The following TENM2 variants were observed in gnomAD, a reference collection of about 807,000 sequenced individuals.
The protein encoded by TENM2 is teneurin transmembrane protein 2.
TENM2 carries 52 observed loss-of-function variants against 245.2 expected under a neutral mutation model. That is an observed-to-expected ratio of 0.21 (90% CI 0.17 to 0.27). The LOEUF (loss-of-function observed/expected upper bound fraction) is 0.27. Among genes scored for constraint, TENM2 ranks in the 10% least tolerant of loss-of-function variants. The pLI, the probability that TENM2 is intolerant of heterozygous loss-of-function variation, is 1.00. For synonymous variants in TENM2, 1,363 were observed against 1,438.9 expected (o/e 0.95, Z 1.19); for missense variants, 3,046 against 3,666.8 (o/e 0.83, Z 4.37).
chr5:168,175,885 T>G (rs1021769308), intron 13 of TENM2, among the ~76,000 whole-genome samples: 1 of 152,150 alleles, frequency 6.6e-6, no homozygotes, highest in African/African-American at 2.4e-5. Flanking sequence ...CCAGCCTACC[T>G]GGGGTCCATC....
chr5:167,416,072 C>T (rs1252214147), intron 2 of TENM2, among the ~76,000 whole-genome samples: 2 of 152,084 alleles, frequency 1.3e-5, no homozygotes, highest in Admixed American at 6.6e-5. Flanking sequence ...GAAATTTGCT[C>T]CTGCTTTTGA....
intron 12 of TENM2, among the ~76,000 whole-genome samples, chr5:168,128,418 C>T (rs1219013082): frequency 6.6e-6 from 1 of 152,200 alleles, no homozygotes; most frequent in Non-Finnish European, 1.5e-5. Flanking sequence ...TTCCCCTCCC[C>T]ATATCTCCAT....
chr5:167,570,659 G>A (rs746596361), intron 2 of TENM2, among the ~76,000 whole-genome samples: 1 of 152,070 alleles, frequency 6.6e-6, no homozygotes, highest in Admixed American at 6.6e-5. Flanking sequence ...CCCTGGAATG[G>A]GTGTTGCATT....
the TENM2 span, among the ~76,000 whole-genome samples, chr5:167,092,873 T>C: frequency 1.3e-5 from 2 of 152,180 alleles, no homozygotes; most frequent in African/African-American, 2.4e-5. Flanking sequence ...ATATCTTCTT[T>C]CCCACAGAGC....
Position 168,090,563 on chromosome 5 carries a change from C to G in TENM2, c.1516-11C>G, listed in dbSNP as rs1464445081. 3 of 1,610,460 alleles carry G rather than the reference C, an allele frequency of 1.9e-6. No homozygotes were observed. The highest frequency in any genetic ancestry group is 1.3e-5 in the African/African-American group (1 of 74,798). ...TTGTCTCATGCATGGTACTCTCTCT[C>G]CTTTTCCCAGTATGACTTCATGGAA... On this transcript the variant is annotated splice_polypyrimidine_tract_variant and intron_variant, in intron 7 of 28. Transcript: ENST00000518659.
At chr5:168,198,866 G>T (rs749929057) in exon 16 of TENM2, 1 of 1,613,710 alleles carries the variant, frequency 6.2e-7, no homozygotes, top group Non-Finnish European at 8.5e-7. Flanking sequence ...CGACCTGATC[G>T]CAAATGGAGG....
chr5:167,371,590 AC>A (rs1234804311), intron 1 of TENM2, among the ~76,000 whole-genome samples: 1 of 151,688 alleles, frequency 6.6e-6, no homozygotes, highest in African/African-American at 2.4e-5. Flanking sequence ...CGAACTCTTG[AC>A]CTCAGGTGAT....
At chr5:168,235,165 A>C (rs948235545) in intron 25 of TENM2, among the ~76,000 whole-genome samples, 1 of 152,314 alleles carries the variant, frequency 6.6e-6, no homozygotes, top group East Asian at 1.9e-4. Context: ...TTCCTGCCAC[A>C]ATGCATTCAT....
At chr5:167,864,200 A>C (rs928665148) in intron 2 of TENM2, among the ~76,000 whole-genome samples, 8 of 152,194 alleles carry the variant, frequency 5.3e-5, no homozygotes, top group Non-Finnish European at 1.2e-4. Flanking sequence ...GCACATAGCA[A>C]AACACAGATT....
intron 2 of TENM2, among the ~76,000 whole-genome samples, chr5:167,503,354 G>A (rs1043615714): frequency 6.6e-6 from 1 of 151,984 alleles, no homozygotes; most frequent in African/African-American, 2.4e-5. Context: ...CTTAGACAGT[G>A]CATTTGTAGA....
the TENM2 span, among the ~76,000 whole-genome samples, chr5:167,085,862 C>G: frequency 6.6e-6 from 1 of 152,160 alleles, no homozygotes; most frequent in Non-Finnish European, 1.5e-5. Flanking sequence ...AAGTTTTAAG[C>G]AGTACAGGTA....
intron 2 of TENM2, among the ~76,000 whole-genome samples, chr5:167,511,807 C>G (rs1319263673): frequency 6.6e-6 from 1 of 152,158 alleles, no homozygotes; most frequent in East Asian, 1.9e-4. Context: ...ATATTTACAA[C>G]CACACATTTA....
intron 2 of TENM2, among the ~76,000 whole-genome samples, chr5:167,702,040 T>C (rs1361942948): frequency 3.9e-5 from 6 of 152,208 alleles, no homozygotes; most frequent in Admixed American, 3.9e-4. Context: ...ATTTTGAAGA[T>C]TGCAAAAGCT....
intron 2 of TENM2, among the ~76,000 whole-genome samples, chr5:167,377,325 C>T (rs1184827759): frequency 1.3e-5 from 2 of 152,066 alleles, no homozygotes; most frequent in African/African-American, 4.8e-5. Flanking sequence ...TGTCCTGATT[C>T]TTTCCTACAG....
chr5:167,517,599 G>A (rs1770469636), intron 2 of TENM2, among the ~76,000 whole-genome samples: 1 of 152,126 alleles, frequency 6.6e-6, no homozygotes, highest in Non-Finnish European at 1.5e-5. Context: ...AGCGGATTAA[G>A]GGAGCTCTCT....
the TENM2 span, among the ~76,000 whole-genome samples, chr5:167,262,531 C>A: frequency 1.3e-5 from 2 of 151,970 alleles, no homozygotes; most frequent in Admixed American, 6.6e-5. Flanking sequence ...CTTTTCCATT[C>A]TTTTTTCTAG....
At chr5:167,015,676 A>G in the TENM2 span, among the ~76,000 whole-genome samples, 1 of 152,286 alleles carries the variant, frequency 6.6e-6, no homozygotes, top group South Asian at 2.1e-4. Flanking sequence ...CCATTTCACA[A>G]TGACTGTGTT....
chr5:167,650,830 C>A (rs1349426622), intron 2 of TENM2, among the ~76,000 whole-genome samples: 1 of 152,172 alleles, frequency 6.6e-6, no homozygotes, highest in East Asian at 1.9e-4. Context: ...ACTCTCTGAT[C>A]TGTGAAGGCA....
At chr5:167,868,502 G>A (rs1011915806) in intron 2 of TENM2, among the ~76,000 whole-genome samples, 1 of 151,936 alleles carries the variant, frequency 6.6e-6, no homozygotes, top group Non-Finnish European at 1.5e-5. Flanking sequence ...ACTTTGAGAG[G>A]CTGAGGTGGG....
Sources: gnomAD v4.1 joint callset for allele counts (sites outside exome capture counted in the v4.1 genomes callset) on GRCh38, gnomAD v4.1.1 for gene constraint, MANE v1.5 for transcripts, NCBI Gene and HGNC (gene_info 2026-07-23, HGNC 2026-07-21) for gene names.